The following SYAP1 variants were observed in gnomAD, a reference collection of about 807,000 sequenced individuals.
The protein encoded by SYAP1 is synapse associated protein 1.
SYAP1 carries 3 observed loss-of-function variants against 29.6 expected under a neutral mutation model. The observed-to-expected ratio is 0.10, with a 90% confidence interval of 0.05 to 0.26. The LOEUF (loss-of-function observed/expected upper bound fraction) is 0.26. Ranked by LOEUF, SYAP1 falls within the 10% of genes least tolerant of loss-of-function variation. The probability of loss-of-function intolerance (pLI) is 1.00; values close to 1 mark genes in which losing one functional copy is unlikely to be tolerated. For synonymous variants in SYAP1, 102 were observed against 102.7 expected (o/e 0.99, Z 0.04); for missense variants, 217 against 264.1 (o/e 0.82, Z 1.24).
intron 1 of SYAP1, among the ~76,000 whole-genome samples, chrX:16,722,392 G>T (rs923596554): frequency 9.1e-6 from 1 of 110,481 alleles, no homozygotes; most frequent in African/African-American, 3.3e-5. Context: ...GCTGGGCGTG[G>T]TGGTGCGCGC....
At chrX:16,751,655 GC>G (rs1275734919) in intron 5 of SYAP1, among the ~76,000 whole-genome samples, 1 of 107,718 alleles carries the variant, frequency 9.3e-6, no homozygotes. Context: ...ATGTATATGT[GC>G]TTTTTTAATG....
intron 1 of SYAP1, among the ~76,000 whole-genome samples, chrX:16,734,842 CA>C (rs1926288719): frequency 9.3e-6 from 1 of 107,175 alleles, no homozygotes; most frequent in Non-Finnish European, 1.9e-5. Context: ...CTAAAAATAC[CA>C]AAAAAATTAG....
chrX:16,732,587 A>G (rs1926233497), intron 1 of SYAP1, among the ~76,000 whole-genome samples: 1 of 111,519 alleles, frequency 9.0e-6, no homozygotes, highest in African/African-American at 3.3e-5. Context: ...ACTGGCTTTT[A>G]ATATTTAACT....
Position 16,760,273 on chromosome X carries a change from CAAGAATATG to C in SYAP1, c.977_985del (p.Glu326_Glu328del), listed in dbSNP as rs753480749. The C allele has an allele frequency of 8.3e-7, 1 of 1,199,235 alleles. No individual in the cohort carries two copies. Among genetic ancestry groups the C allele is most frequent in the Non-Finnish European group, 1.1e-6 (1 of 890,100 alleles). On this transcript the variant is annotated inframe_deletion, in exon 9 of 9. Coordinates refer to ENST00000380155, the MANE Select transcript of SYAP1 (RefSeq NM_032796.4). Reference sequence around the variant, plus strand: ...GGAAAAAGAACTGCAGCAGGAACTTCAAGAATATGAAGTGGTGACAGAATCTGAAAAACG... The same window carrying C: ...GGAAAAAGAACTGCAGCAGGAACTTCAAGTGGTGACAGAATCTGAAAAACG...
At chrX:16,755,965 G>A (rs1366104756) in intron 6 of SYAP1, among the ~76,000 whole-genome samples, 1 of 111,760 alleles carries the variant, frequency 8.9e-6, no homozygotes, top group East Asian at 2.8e-4. Context: ...TACTAGGACA[G>A]GATCTGACAC....
intron 1 of SYAP1, among the ~76,000 whole-genome samples, chrX:16,730,228 C>T (rs1926177424): frequency 9.0e-6 from 1 of 111,512 alleles, no homozygotes; most frequent in African/African-American, 3.3e-5. Context: ...GTGGCAGGTG[C>T]CTATAATCCC....
chrX:16,726,197 T>A (rs1387180620), intron 1 of SYAP1, among the ~76,000 whole-genome samples: 1 of 112,342 alleles, frequency 8.9e-6, no homozygotes, highest in Non-Finnish European at 1.9e-5. Context: ...GTCTACGTGT[T>A]AAGTGTGCAC....
chrX:16,760,285 G>C lies in SYAP1; in HGVS notation c.985G>C (p.Val329Leu), dbSNP rs1457937486. ...GCAGCAGGAACTTCAAGAATATGAA[G>C]TGGTGACAGAATCTGAAAAACGAGA... ...ELQQELQEYE[V>L]VTESEKRDEN... The change falls in exon 9 of 9, where the codon GTG (valine) becomes CTG (leucine). Residue 329 changes from valine (V) to leucine (L), a missense_variant. Val to Leu is a conservative substitution (Grantham distance 32). Transcript: ENST00000380155. The C allele has an allele frequency of 8.3e-7, 1 of 1,200,034 alleles. No homozygotes were observed. The highest frequency in any genetic ancestry group is 1.8e-5 in the African/African-American group (1 of 56,804).
Position 16,736,252 on chromosome X carries a change from T to A in SYAP1, c.361+20T>A. On this transcript the variant is annotated intron_variant, in intron 3 of 8. Coordinates refer to ENST00000380155, the MANE Select transcript of SYAP1 (RefSeq NM_032796.4). ...AGTCAGGTATGGTATAGGTTTGTCT[T>A]AATTAACCTGCCAGGTTTTATTGAG... The A allele has an allele frequency of 9.1e-7, 1 of 1,095,417 alleles. No individual in the cohort carries two copies. Among genetic ancestry groups the A allele is most frequent in the Non-Finnish European group, 1.3e-6 (1 of 792,185 alleles). The allele number at this position is 1,095,417 out of a possible 1,213,427, so 90.3% of individuals were successfully genotyped here. A position where few individuals can be genotyped will look rare whatever the true frequency, so the allele number is the denominator to read the frequency against.
chrX:16,738,880 A>G (rs980900091), intron 3 of SYAP1, among the ~76,000 whole-genome samples: 3 of 111,881 alleles, frequency 2.7e-5, no homozygotes, highest in African/African-American at 9.7e-5. Context: ...CAGTAACTCT[A>G]TAAAGTACTT....
At chrX:16,723,160 G>A (rs1926002762) in intron 1 of SYAP1, among the ~76,000 whole-genome samples, 1 of 111,698 alleles carries the variant, frequency 9.0e-6, no homozygotes, top group African/African-American at 3.3e-5. Context: ...TCTTCTGTAG[G>A]GAAAGTATAT....
Position 16,762,585 on chromosome X carries a change from A to T in SYAP1, c.*2226A>T, listed in dbSNP as rs1277745217. On this transcript the variant is annotated 3_prime_UTR_variant, in exon 9 of 9. Transcript: ENST00000380155. ...AATTTATCACCATGTTTGGTGGAAA[A>T]TTTCTAAGTATTTATTACATGCCTA... is the stretch of plus-strand genomic sequence containing the variant. 1 of 111,847 alleles carries T rather than the reference A, an allele frequency of 8.9e-6. No homozygotes were observed. Among genetic ancestry groups the T allele is most frequent in the Non-Finnish European group, 1.9e-5 (1 of 53,239 alleles). 9.2% of individuals were successfully genotyped at this position (111,847 alleles called of 1,213,427 possible).
chrX:16,757,714 C>T (rs772096013), intron 8 of SYAP1, among the ~76,000 whole-genome samples: 1 of 109,218 alleles, frequency 9.2e-6, no homozygotes, highest in African/African-American at 3.3e-5. Context: ...CAGAGCGAGA[C>T]TCCGCCTCAA....
intron 3 of SYAP1, among the ~76,000 whole-genome samples, chrX:16,737,685 A>G (rs1409986900): frequency 1.8e-5 from 2 of 111,706 alleles, no homozygotes; most frequent in African/African-American, 3.3e-5. Context: ...AGATAGGAAC[A>G]TGTAGAAAGA....
intron 4 of SYAP1, 60 bp from the exon 5 acceptor site, chrX:16,743,640 AT>A: frequency 9.0e-7 from 1 of 1,113,973 alleles, no homozygotes; most frequent in Non-Finnish European, 1.2e-6. Flanking sequence ...AAAAAAAAAA[AT>A]TGTTATCTAT....
At chrX:16,752,137 A>T (rs1926748285) in intron 5 of SYAP1, among the ~76,000 whole-genome samples, 1 of 106,118 alleles carries the variant, frequency 9.4e-6, no homozygotes. Flanking sequence ...ATACCACCAC[A>T]TCGGCTAATT....
chrX:16,742,069 G>A (rs1363772455), intron 4 of SYAP1, among the ~76,000 whole-genome samples: 1 of 104,231 alleles, frequency 9.6e-6, no homozygotes, highest in African/African-American at 3.6e-5. Context: ...GGGTTCAAAT[G>A]ATTCTCCTGC....
chrX:16,760,599 T>C lies in SYAP1; in HGVS notation c.*240T>C, dbSNP rs748917287. ...TCTTTAATATAAAGTTAGAGATGTC[T>C]TCATAGGCAGTATGGCTATCTTTGC... On this transcript the variant is annotated 3_prime_UTR_variant, in exon 9 of 9. Coordinates refer to ENST00000380155, the MANE Select transcript of SYAP1 (RefSeq NM_032796.4). The C allele has an allele frequency of 4.2e-5, 8 of 191,923 alleles. No homozygotes were observed. The South Asian group carries it at 1.3e-3, about 31-fold the overall frequency. The allele number at this position is 191,923 out of a possible 1,213,427, so 15.8% of individuals were successfully genotyped here. A position where few individuals can be genotyped will look rare whatever the true frequency, so the allele number is the denominator to read the frequency against.
At chrX:16,729,458 T>TA (rs1367197163) in intron 1 of SYAP1, among the ~76,000 whole-genome samples, 21 of 107,372 alleles carry the variant, frequency 2.0e-4, no homozygotes, top group Admixed American at 2.0e-3. Flanking sequence ...AGAAACCTGT[T>TA]ATGCTTTTAT....
Sources: allele counts gnomAD v4.1 joint callset (sites outside exome capture counted in the v4.1 genomes callset), GRCh38; gene constraint gnomAD v4.1.1; transcripts MANE v1.5; gene names NCBI Gene and HGNC (gene_info 2026-07-23, HGNC 2026-07-21).